The following CCDC7 variants were observed in gnomAD, a reference collection of about 807,000 sequenced individuals.
CCDC7 encodes coiled-coil domain containing 7.
Under a neutral mutation model 196.9 loss-of-function variants are expected in CCDC7, and 183 were observed. The observed-to-expected ratio is 0.93, with a 90% confidence interval of 0.82 to 1.05. CCDC7 has a LOEUF of 1.05. CCDC7 is among the 50% of genes least tolerant of loss of function. The pLI is 0.00. For missense variants in CCDC7, 1,540 were observed against 1,482.2 expected, an observed-to-expected ratio of 1.04 and a Z score of -0.64; for synonymous variants, 525 against 484.6, an observed-to-expected ratio of 1.08 and a Z score of -1.10.
intron 18 of CCDC7, among the ~76,000 whole-genome samples, chr10:32,584,528 C>T (rs1277129100): frequency 2.7e-5 from 4 of 150,440 alleles, no homozygotes; most frequent in African/African-American, 4.9e-5. Flanking sequence ...GAGGCCGAGG[C>T]GGGTGGATCA....
At chr10:32,877,879 A>T (rs1210239632), downstream of CCDC7, among the ~76,000 whole-genome samples, 2 of 151,992 alleles carry the variant, frequency 1.3e-5, no homozygotes, top group Admixed American at 1.3e-4. Context: ...AGAACCATGG[A>T]GCTTATTGTT....
intron 21 of CCDC7, among the ~76,000 whole-genome samples, chr10:32,665,778 T>A (rs987737682): frequency 5.3e-5 from 8 of 152,058 alleles, no homozygotes; most frequent in Admixed American, 4.6e-4. Flanking sequence ...TGATAGGGAT[T>A]AAATTCATAA....
intron 9 of CCDC7, among the ~76,000 whole-genome samples, chr10:32,492,305 G>T (rs554631422): frequency 1.3e-5 from 2 of 152,102 alleles, no homozygotes; most frequent in African/African-American, 4.8e-5. Context: ...ATTAAAAACA[G>T]AATTACCATA....
In CCDC7 at chr10:32,475,872, T is replaced by A. The variant is rs182637046; in HGVS notation, c.796+1849T>A. On this transcript the variant is annotated intron_variant, in intron 8 of 41. Transcript: ENST00000639629. Reference sequence around the variant, plus strand: ...CTTTCAGGTCACAATTTCATCTTGATGTTGCTTCATTTAATAATTAATAGA... The same window carrying A: ...CTTTCAGGTCACAATTTCATCTTGAAGTTGCTTCATTTAATAATTAATAGA... Among the ~76,000 whole-genome samples the A allele has an allele frequency of 1.5e-3, 230 of 152,338 alleles. 1 individual carries two copies. Among genetic ancestry groups the A allele is most frequent in the Non-Finnish European group, 4.4e-4 (30 of 68,030 alleles).
At chr10:32,780,081 C>T (rs908450396) in intron 29 of CCDC7, among the ~76,000 whole-genome samples, 4 of 151,994 alleles carry the variant, frequency 2.6e-5, no homozygotes, top group Admixed American at 2.6e-4. Flanking sequence ...TACAAAAATA[C>T]AAAAAATTAG....
chr10:32,792,882 C>T (rs1366433245), intron 29 of CCDC7, among the ~76,000 whole-genome samples: 2 of 151,914 alleles, frequency 1.3e-5, no homozygotes, highest in Non-Finnish European at 2.9e-5. Context: ...CTTAGAACTA[C>T]AAAAAATATT....
At chr10:32,714,387 C>T (rs1255223072) in intron 25 of CCDC7, among the ~76,000 whole-genome samples, 1 of 152,154 alleles carries the variant, frequency 6.6e-6, no homozygotes, top group Non-Finnish European at 1.5e-5. Flanking sequence ...TATGCTTTTC[C>T]CACAGTCTTC....
At chr10:32,836,646 T>G (rs2136001599) in intron 33 of CCDC7, among the ~76,000 whole-genome samples, 1 of 152,312 alleles carries the variant, frequency 6.6e-6, no homozygotes, top group East Asian at 1.9e-4. Flanking sequence ...ATGATGAGCA[T>G]TTTTTCATGT....
intron 28 of CCDC7, among the ~76,000 whole-genome samples, chr10:32,764,157 C>T (rs563427562): frequency 2.0e-5 from 3 of 151,732 alleles, no homozygotes; most frequent in South Asian, 4.2e-4. Flanking sequence ...TAATTGCCTC[C>T]CTTGAGATAG....
chr10:32,708,012 G>A (rs556797640), intron 24 of CCDC7, among the ~76,000 whole-genome samples: 7 of 151,976 alleles, frequency 4.6e-5, no homozygotes, highest in East Asian at 1.9e-4. Flanking sequence ...CCGCATCGCC[G>A]AGACAATCCT....
At chr10:32,662,042 C>T (rs1464702280) in intron 20 of CCDC7, among the ~76,000 whole-genome samples, 2 of 152,138 alleles carry the variant, frequency 1.3e-5, no homozygotes, top group African/African-American at 2.4e-5. Context: ...CAAGTTCCAA[C>T]AGCAGGGATA....
intron 29 of CCDC7, among the ~76,000 whole-genome samples, chr10:32,785,862 G>A (rs1040192462): frequency 6.6e-6 from 1 of 151,952 alleles, no homozygotes; most frequent in East Asian, 1.9e-4. Flanking sequence ...TTTTATTCTT[G>A]TTTCTTTATT....
intron 8 of CCDC7, 104 bp from the exon 10 acceptor site, chr10:32,491,814 CTCTT>C: frequency 9.3e-7 from 1 of 1,070,460 alleles, no homozygotes; most frequent in Non-Finnish European, 1.3e-6. Flanking sequence ...ATGCTAGCCC[CTCTT>C]TATGTTTGTT....
intron 38 of CCDC7, 84 bp downstream of exon 39, chr10:32,848,000 A>G (rs2093380272): frequency 2.7e-6 from 2 of 728,630 alleles, no homozygotes; most frequent in African/African-American, 1.8e-5. Context: ...AACAGTACCT[A>G]TATGTTAATA....
chr10:32,651,747 G>A (rs2068803935), intron 20 of CCDC7, among the ~76,000 whole-genome samples: 1 of 152,114 alleles, frequency 6.6e-6, no homozygotes, highest in South Asian at 2.1e-4. Context: ...TGGCGGGAAG[G>A]GAGGTTTTCT....
intron 16 of CCDC7, among the ~76,000 whole-genome samples, chr10:32,572,455 T>G (rs2057696010): frequency 6.6e-6 from 1 of 152,142 alleles, no homozygotes; most frequent in South Asian, 2.1e-4. Context: ...AAGTATGCAT[T>G]TATGTACTTC....
intron 17 of CCDC7, 63 bp downstream of exon 18, chr10:32,583,370 C>A: frequency 1.8e-6 from 2 of 1,081,598 alleles, no homozygotes; most frequent in Non-Finnish European, 2.3e-6. Context: ...TAAATAAATG[C>A]TAACCCATTT....
At chr10:32,701,581 G>C (rs575167087) in intron 24 of CCDC7, among the ~76,000 whole-genome samples, 134 of 152,162 alleles carry the variant, frequency 8.8e-4, no homozygotes, top group African/African-American at 3.2e-3. Flanking sequence ...GGAATAGTTT[G>C]AGAAGGAATG....
chr10:32,639,054 T>G (rs1453976119), intron 20 of CCDC7, among the ~76,000 whole-genome samples: 2 of 152,208 alleles, frequency 1.3e-5, no homozygotes, highest in Non-Finnish European at 2.9e-5. Flanking sequence ...GTAGTTTGTA[T>G]TTCTGTGGGA....
Sources: gnomAD v4.1 joint callset for allele counts (sites outside exome capture counted in the v4.1 genomes callset) on GRCh38, gnomAD v4.1.1 for gene constraint, MANE v1.5 for transcripts, NCBI Gene and HGNC (gene_info 2026-07-23, HGNC 2026-07-21) for gene names.